HPSE2: variants seen among roughly 807,000 people sequenced by gnomAD.
The protein encoded by HPSE2 is inactive heparanase-2.
A neutral mutation model predicts 60.5 loss-of-function variants in HPSE2; 38 were observed. The observed-to-expected ratio is 0.63, with a 90% CI of 0.48 to 0.82. HPSE2 has a LOEUF of 0.82. Among genes scored for constraint, HPSE2 ranks in the 40% least tolerant of loss-of-function variants. HPSE2 has a pLI of 0.00. For missense variants in HPSE2, 713 were observed against 740.4 expected (o/e 0.96, Z 0.43); for synonymous variants, 295 against 293.2 (o/e 1.01, Z -0.06).
intron 10 of HPSE2, among the ~76,000 whole-genome samples, chr10:98,483,138 C>T (rs1247619185): frequency 6.6e-6 from 1 of 152,130 alleles, no homozygotes; most frequent in Non-Finnish European, 1.5e-5. Context: ...TTCCCCATAA[C>T]CCTCATATCT....
At chr10:98,952,119 T>G (rs1955373013) in intron 3 of HPSE2, among the ~76,000 whole-genome samples, 1 of 152,176 alleles carries the variant, frequency 6.6e-6, no homozygotes, top group Admixed American at 6.5e-5. Context: ...CTGATTCTAT[T>G]TCATAGGATT....
At chr10:99,184,781 C>A (rs1847911851) in intron 2 of HPSE2, among the ~76,000 whole-genome samples, 1 of 49,466 alleles carries the variant, frequency 2.0e-5, no homozygotes, top group Non-Finnish European at 4.3e-5. Context: ...CAGAACTATC[C>A]AAAATTATAT....
At chr10:98,908,438 C>T (rs1358152530) in intron 3 of HPSE2, among the ~76,000 whole-genome samples, 3 of 152,108 alleles carry the variant, frequency 2.0e-5, no homozygotes, top group African/African-American at 7.2e-5. Context: ...TATCCCAGCA[C>T]TTTGTGAGGC....
At chr10:98,464,806 C>T (rs1331710348) in intron 11 of HPSE2, among the ~76,000 whole-genome samples, 4 of 152,126 alleles carry the variant, frequency 2.6e-5, no homozygotes, top group Non-Finnish European at 4.4e-5. Context: ...TTCATTAATG[C>T]GCCAATTACT....
At chr10:99,029,101 T>C (rs765633616) in intron 3 of HPSE2, among the ~76,000 whole-genome samples, 10 of 152,154 alleles carry the variant, frequency 6.6e-5, no homozygotes, top group Non-Finnish European at 1.0e-4. Flanking sequence ...ACCTTACAAG[T>C]ATAGGCAACC....
At position 99,046,772 on chromosome 10, in the gene HPSE2, G is replaced by C. The variant is rs367965442; in HGVS notation, c.610+97466C>G. Among the ~76,000 whole-genome samples the C allele has an allele frequency of 6.6e-5, 10 of 152,000 alleles. 1 individual carries two copies. In the South Asian group the frequency reaches 2.1e-3, roughly 32 times the overall value. On this transcript the variant is annotated intron_variant, in intron 3 of 11. Coordinates refer to ENST00000370552, the MANE Select transcript of HPSE2 (RefSeq NM_021828.5). ...ATACCTAGGAATATAGCTAACTAAGGGGGTGAAAGATCTCCACAAGGATAA... is the reference window on the plus strand; with the variant it reads ...ATACCTAGGAATATAGCTAACTAAGCGGGTGAAAGATCTCCACAAGGATAA...
At chr10:99,269,875 G>A in the HPSE2 span, among the ~76,000 whole-genome samples, 75,088 of 151,990 alleles carry the variant, frequency 0.49, 21,727 homozygotes, top group Non-Finnish European at 0.64. Context: ...GCTCCTAAAC[G>A]ATCATTGGGT....
chr10:98,610,205 C>T (rs1475256484), intron 9 of HPSE2, among the ~76,000 whole-genome samples: 3 of 147,966 alleles, frequency 2.0e-5, no homozygotes, highest in Non-Finnish European at 4.5e-5. Flanking sequence ...GGTGTCCTTG[C>T]TCTACACAGG....
At chr10:98,915,875 A>G (rs1245113778) in intron 3 of HPSE2, among the ~76,000 whole-genome samples, 2 of 152,186 alleles carry the variant, frequency 1.3e-5, no homozygotes, top group Non-Finnish European at 2.9e-5. Flanking sequence ...ACCAATGGGG[A>G]GGAGAGTATG....
chr10:98,459,179 G>GGGC lies in HPSE2; in HGVS notation c.*392_*394dup, dbSNP rs1940171231. 1 of 265,316 alleles carries GGGC rather than the reference G, an allele frequency of 3.8e-6. No homozygotes were observed. The highest frequency in any genetic ancestry group is 2.2e-5 in the African/African-American group (1 of 45,586). The allele number at this position is 265,316 out of a possible 1,614,324, so 16.4% of individuals were successfully genotyped here. The stretch of plus-strand genomic sequence containing the variant: ...TTTTTCCTTCCTCATCTTCCTCTGA[G>GGGC]GGCAGCAGCAGCAGCAGGCTAAGGT... On this transcript the variant is annotated 3_prime_UTR_variant, in exon 12 of 12. Coordinates refer to ENST00000370552, the MANE Select transcript of HPSE2 (RefSeq NM_021828.5).
At chr10:98,715,198 A>C (rs1272137553) in intron 5 of HPSE2, among the ~76,000 whole-genome samples, 3 of 151,948 alleles carry the variant, frequency 2.0e-5, no homozygotes, top group African/African-American at 7.2e-5. Context: ...GGTAAAGTCC[A>C]ATTTATCATT....
chr10:98,617,918 G>A (rs1945960462), intron 8 of HPSE2, among the ~76,000 whole-genome samples: 1 of 152,178 alleles, frequency 6.6e-6, no homozygotes, highest in Non-Finnish European at 1.5e-5. Context: ...ATACGTGCAT[G>A]TATATGTCCT....
chr10:99,097,767 C>G (rs949627405), intron 3 of HPSE2, among the ~76,000 whole-genome samples: 2 of 152,152 alleles, frequency 1.3e-5, no homozygotes, highest in African/African-American at 4.8e-5. Flanking sequence ...ATCCTACGAA[C>G]TAGATAGAAA....
At chr10:98,597,353 C>T (rs534710047) in intron 9 of HPSE2, among the ~76,000 whole-genome samples, 27 of 152,134 alleles carry the variant, frequency 1.8e-4, no homozygotes, top group Non-Finnish European at 3.7e-4. Context: ...CCTTTGCTCC[C>T]CCTTGAACTT....
intron 3 of HPSE2, among the ~76,000 whole-genome samples, chr10:98,757,850 C>T (rs1003840646): frequency 1.3e-4 from 20 of 152,034 alleles, no homozygotes; most frequent in Admixed American, 1.2e-3. Flanking sequence ...TTTTAAAATT[C>T]ATATGGAACA....
chr10:99,014,425 T>A (rs981733415), intron 3 of HPSE2, among the ~76,000 whole-genome samples: 9 of 152,208 alleles, frequency 5.9e-5, no homozygotes, highest in African/African-American at 2.2e-4. Flanking sequence ...TGTGCATGCA[T>A]GTGTCTTCAT....
At chr10:98,649,479 C>T (rs1946860824) in intron 6 of HPSE2, among the ~76,000 whole-genome samples, 1 of 152,176 alleles carries the variant, frequency 6.6e-6, no homozygotes, top group South Asian at 2.1e-4. Context: ...GTACTTTGAT[C>T]TGCCAAGTGT....
chr10:98,516,996 A>T (rs931004261), intron 9 of HPSE2, among the ~76,000 whole-genome samples: 7 of 152,342 alleles, frequency 4.6e-5, no homozygotes, highest in Middle Eastern at 3.4e-3. Flanking sequence ...TAAATTTACC[A>T]GGAGCTCCCT....
chr10:98,551,178 C>T (rs1392933252), intron 9 of HPSE2, among the ~76,000 whole-genome samples: 1 of 152,024 alleles, frequency 6.6e-6, no homozygotes, highest in African/African-American at 2.4e-5. Flanking sequence ...GAAGCTTGAT[C>T]TTTATTTTGT....
Sources: gnomAD v4.1 joint callset for allele counts (sites outside exome capture counted in the v4.1 genomes callset) on GRCh38, gnomAD v4.1.1 for gene constraint, MANE v1.5 for transcripts, NCBI Gene and HGNC (gene_info 2026-07-23, HGNC 2026-07-21) for gene names.